Variants in SOX6 observed in about 807,000 individuals in gnomAD.
The protein encoded by SOX6 is SRY-box transcription factor 6, also known as transcription factor SOX-6.
Under a neutral mutation model 97.8 loss-of-function variants are expected in SOX6, and 11 were observed. That is an observed-to-expected ratio of 0.11 (90% CI 0.07 to 0.19). SOX6 has a LOEUF of 0.19. Ranked by LOEUF, SOX6 falls within the 10% of genes least tolerant of loss-of-function variation. The probability of loss-of-function intolerance (pLI) is 1.00; values close to 1 mark genes in which losing one functional copy is unlikely to be tolerated. For missense variants in SOX6, 810 were observed against 1,039.5 expected, an observed-to-expected ratio of 0.78 and a Z score of 3.04; for synonymous variants, 360 against 371.4, an observed-to-expected ratio of 0.97 and a Z score of 0.35.
At chr11:16,350,379 A>T (rs1259419521) in intron 1 of SOX6, among the ~76,000 whole-genome samples, 2 of 152,206 alleles carry the variant, frequency 1.3e-5, no homozygotes, top group African/African-American at 4.8e-5. Flanking sequence ...TAAACTTAAC[A>T]TCATTAAGAG....
chr11:16,048,224 G>A (rs1001981131), intron 11 of SOX6, among the ~76,000 whole-genome samples: 5 of 151,982 alleles, frequency 3.3e-5, no homozygotes, highest in Admixed American at 6.6e-5. Flanking sequence ...CCAAAAATCC[G>A]GCCAAGGGGC....
At chr11:16,467,696 T>C (rs1170957193) in intron 1 of SOX6, among the ~76,000 whole-genome samples, 1 of 152,150 alleles carries the variant, frequency 6.6e-6, no homozygotes, top group Non-Finnish European at 1.5e-5. Context: ...CTTGGGTTAA[T>C]ACCTGGAGGA....
chr11:16,326,284 A>C (rs535466974), intron 2 of SOX6, among the ~76,000 whole-genome samples: 1 of 151,996 alleles, frequency 6.6e-6, no homozygotes, highest in African/African-American at 2.4e-5. Context: ...TGATTTCCAG[A>C]CCCTTCATCA....
chr11:16,228,041 T>C (rs1190844239), intron 4 of SOX6, among the ~76,000 whole-genome samples: 1 of 151,822 alleles, frequency 6.6e-6, no homozygotes, highest in Non-Finnish European at 1.5e-5. Flanking sequence ...CTACTAAAAA[T>C]ACAAAAACTA....
intron 4 of SOX6, among the ~76,000 whole-genome samples, chr11:16,491,329 T>C (rs1435610075): frequency 6.6e-6 from 1 of 152,178 alleles, no homozygotes; most frequent in African/African-American, 2.4e-5. Flanking sequence ...ATGAAAGATA[T>C]GCAAGGCCTC....
intron 4 of SOX6, among the ~76,000 whole-genome samples, chr11:16,536,642 A>T (rs1861312532): frequency 6.6e-6 from 1 of 152,234 alleles, no homozygotes; most frequent in South Asian, 2.1e-4. Context: ...GCAGACCAGG[A>T]GATTCCCTCC....
At position 16,096,011 on chromosome 11, in the gene SOX6, G is replaced by A; in HGVS notation, c.1086C>T (p.Asn362=). ...TFEHGGGHSY[N]HKQIEQLYAA... Reference sequence around the variant, plus strand: ...GCATTCATACCTCAATCTGTTTGTGGTTGTAAGAGTGGCCACCACCATGTT... The same window carrying A: ...GCATTCATACCTCAATCTGTTTGTGATTGTAAGAGTGGCCACCACCATGTT... The change falls in exon 9 of 16, where the codon AAC becomes AAT. Residue 362 remains asparagine (N), a synonymous_variant. Coordinates refer to ENST00000683767, the MANE Select transcript of SOX6 (RefSeq NM_001367873.1). The A allele has an allele frequency of 6.2e-7, 1 of 1,611,138 alleles. No homozygotes were observed. Among genetic ancestry groups the A allele is most frequent in the African/African-American group, 1.3e-5 (1 of 74,700 alleles).
intron 6 of SOX6, among the ~76,000 whole-genome samples, chr11:16,118,148 T>C (rs1198997629): frequency 2.6e-5 from 4 of 152,224 alleles, no homozygotes; most frequent in African/African-American, 9.6e-5. Context: ...AAGCACTATC[T>C]GGCTGGGTAT....
At chr11:16,190,040 C>G (rs1378918264) in intron 4 of SOX6, among the ~76,000 whole-genome samples, 1 of 152,076 alleles carries the variant, frequency 6.6e-6, no homozygotes, top group South Asian at 2.1e-4. Context: ...AAGATAATAC[C>G]TAAGTGACTT....
chr11:16,151,510 T>C (rs1589977269), intron 6 of SOX6, among the ~76,000 whole-genome samples: 3 of 152,288 alleles, frequency 2.0e-5, no homozygotes, highest in African/African-American at 7.2e-5. Context: ...TGCTGTTAAT[T>C]TCATCAACCC....
chr11:16,317,798 A>G (rs1284844437), intron 3 of SOX6: 3 of 219,712 alleles, frequency 1.4e-5, no homozygotes, highest in Middle Eastern at 4.7e-4. Context: ...TAGTATAACC[A>G]TCACTTAGAC....
At chr11:16,206,336 G>A (rs745706224) in intron 4 of SOX6, among the ~76,000 whole-genome samples, 1 of 152,062 alleles carries the variant, frequency 6.6e-6, no homozygotes, top group Non-Finnish European at 1.5e-5. Context: ...AATACAGAAG[G>A]TGAACTTACA....
chr11:16,002,386 CTG>C (rs1854431818), intron 13 of SOX6, among the ~76,000 whole-genome samples: 1 of 152,104 alleles, frequency 6.6e-6, no homozygotes, highest in East Asian at 1.9e-4. Flanking sequence ...GTTTTGATGC[CTG>C]TGTTTACTTT....
intron 8 of SOX6, 45 bp from the exon 9 acceptor site, chr11:16,096,163 C>G: frequency 6.3e-7 from 1 of 1,586,734 alleles, no homozygotes; most frequent in East Asian, 2.2e-5. Flanking sequence ...ACAAAACATA[C>G]TGTCAGAACT....
chr11:16,569,704 TAAAAATACAA>T (rs1209565469), intron 4 of SOX6, among the ~76,000 whole-genome samples: 1 of 151,596 alleles, frequency 6.6e-6, no homozygotes, highest in Non-Finnish European at 1.5e-5. Context: ...CCATCTCTAC[TAAAAATACAA>T]AAAAATTAGC....
intron 1 of SOX6, among the ~76,000 whole-genome samples, chr11:16,380,389 T>C (rs297338): frequency 0.19 from 28,212 of 151,984 alleles, 2,994 homozygotes; most frequent in Admixed American, 0.31. Flanking sequence ...TAAATGTCAT[T>C]ACAGAGCTTT....
intron 3 of SOX6, among the ~76,000 whole-genome samples, chr11:16,635,607 T>C (rs868024027): frequency 7.9e-5 from 12 of 152,214 alleles, no homozygotes; most frequent in African/African-American, 2.9e-4. Context: ...TACAGAAATC[T>C]GCATAAGTAA....
chr11:16,157,921 CTCTA>C (rs920689116), intron 6 of SOX6, among the ~76,000 whole-genome samples: 10 of 151,960 alleles, frequency 6.6e-5, no homozygotes, highest in African/African-American at 2.4e-4. Flanking sequence ...GCCTCCCTTA[CTCTA>C]TCAATTGGGA....
chr11:16,428,736 G>A (rs563413666), intron 1 of SOX6, among the ~76,000 whole-genome samples: 2 of 152,256 alleles, frequency 1.3e-5, no homozygotes, highest in East Asian at 3.9e-4. Flanking sequence ...TAGCCTTGTA[G>A]TATAGTTTGA....
Sources: allele counts gnomAD v4.1 joint callset (sites outside exome capture counted in the v4.1 genomes callset), GRCh38; gene constraint gnomAD v4.1.1; transcripts MANE v1.5; gene names NCBI Gene and HGNC (gene_info 2026-07-23, HGNC 2026-07-21).